Variants in PPP1R9A observed in about 807,000 individuals in gnomAD.
The protein encoded by PPP1R9A is neurabin-1.
A neutral mutation model predicts 141.9 loss-of-function variants in PPP1R9A; 59 were observed. That is an observed-to-expected ratio of 0.42 (90% CI 0.34 to 0.52). The LOEUF is 0.52. PPP1R9A is among the 20% of genes least tolerant of loss of function. The pLI is 0.10. For missense variants in PPP1R9A, 1,444 were observed against 1,611.9 expected, an observed-to-expected ratio of 0.90 and a Z score of 1.78; for synonymous variants, 500 against 569.7, an observed-to-expected ratio of 0.88 and a Z score of 1.74.
In PPP1R9A at chr7:95,295,729, C is replaced by A. The variant is rs1278622432; in HGVS notation, c.*5426C>A. 1.3e-5 allele frequency: 2 copies of A among 152,104 alleles called. No homozygotes were observed. Among genetic ancestry groups the A allele is most frequent in the African/African-American group, 4.8e-5 (2 of 41,410 alleles). The allele number at this position is 152,104 out of a possible 1,614,324, so 9.4% of individuals were successfully genotyped here. On this transcript the variant is annotated 3_prime_UTR_variant, in exon 20 of 20. Transcript: ENST00000433360. ...TCTGTTAAGGATGTAATCATTCATT[C>A]AAGAAAGAACAATTGGCAAGAAATA...
In PPP1R9A at chr7:95,110,709, T is replaced by C. The variant is rs147817407; in HGVS notation, c.1396-550T>C. On this transcript the variant is annotated intron_variant, in intron 2 of 19. Coordinates refer to ENST00000433360, the MANE Select transcript of PPP1R9A (RefSeq NM_001166160.2). ...ATTTTCATAATAATTTCATAAAAGTTTCAATGAGAATTCAATTTAAATGTA... is the reference window on the plus strand; with the variant it reads ...ATTTTCATAATAATTTCATAAAAGTCTCAATGAGAATTCAATTTAAATGTA... 3.5e-4 allele frequency among the ~76,000 whole-genome samples: 54 copies of C among 152,294 alleles called. No individual in the cohort carries two copies. In the East Asian group the frequency reaches 7.9e-3, roughly 22 times the overall value.
chr7:95,122,177 C>A (rs1822746496), intron 4 of PPP1R9A, among the ~76,000 whole-genome samples: 1 of 141,528 alleles, frequency 7.1e-6, no homozygotes, highest in African/African-American at 2.8e-5. Context: ...GATGGCATCT[C>A]ATTGTGTTGC....
At chr7:95,173,954 C>A (rs1832535985) in intron 5 of PPP1R9A, among the ~76,000 whole-genome samples, 1 of 152,020 alleles carries the variant, frequency 6.6e-6, no homozygotes, top group South Asian at 2.1e-4. Context: ...GCAGAACAGT[C>A]TGGTAGGGTT....
At chr7:95,264,732 C>G (rs906738229) in intron 12 of PPP1R9A, among the ~76,000 whole-genome samples, 4 of 152,092 alleles carry the variant, frequency 2.6e-5, no homozygotes, top group Admixed American at 2.0e-4. Flanking sequence ...TTCTCCTGTT[C>G]TGTATTTCTA....
chr7:94,941,904 C>T (rs1320048876), intron 2 of PPP1R9A, among the ~76,000 whole-genome samples: 1 of 152,012 alleles, frequency 6.6e-6, no homozygotes, highest in Non-Finnish European at 1.5e-5. Flanking sequence ...TATGTTTTTG[C>T]ATCTTTGTGA....
chr7:95,270,478 G>T (rs1309126352), intron 14 of PPP1R9A, among the ~76,000 whole-genome samples: 1 of 152,056 alleles, frequency 6.6e-6, no homozygotes, highest in Non-Finnish European at 1.5e-5. Flanking sequence ...ATATCTGAGG[G>T]ACATCAGTGG....
At chr7:95,075,345 T>G (rs1814675591) in intron 2 of PPP1R9A, among the ~76,000 whole-genome samples, 1 of 152,112 alleles carries the variant, frequency 6.6e-6, no homozygotes, top group Non-Finnish European at 1.5e-5. Flanking sequence ...ACTAAAAATG[T>G]AGGGGAGGAA....
At chr7:95,189,433 C>CTTTTTTT (rs1195484637) in intron 5 of PPP1R9A, among the ~76,000 whole-genome samples, 8 of 116,232 alleles carry the variant, frequency 6.9e-5, no homozygotes, top group Non-Finnish European at 8.7e-5. Flanking sequence ...TTTGTTTATT[C>CTTTTTTT]TTTTTTTTTT....
At chr7:95,157,554 A>G (rs1180128717) in intron 4 of PPP1R9A, among the ~76,000 whole-genome samples, 1 of 152,170 alleles carries the variant, frequency 6.6e-6, no homozygotes, top group Non-Finnish European at 1.5e-5. Context: ...AGCTCCATGG[A>G]GCATGTATCC....
Position 95,198,122 on chromosome 7 carries a change from C to T in PPP1R9A, c.1755-227C>T, listed in dbSNP as rs761994610. On this transcript the variant is annotated intron_variant, in intron 5 of 19. Coordinates refer to ENST00000433360, the MANE Select transcript of PPP1R9A (RefSeq NM_001166160.2). ...TCTTAAAATGATAATTTTTATGGTC[C>T]TTTACTTTTTTCCCCCTTCTTTTCC... 8.5e-5 allele frequency among the ~76,000 whole-genome samples: 13 copies of T among 152,110 alleles called. No homozygotes were observed. In the South Asian group the frequency reaches 2.3e-3, roughly 27 times the overall value.
At chr7:95,032,452 G>C (rs1234916079) in intron 2 of PPP1R9A, among the ~76,000 whole-genome samples, 1 of 152,096 alleles carries the variant, frequency 6.6e-6, no homozygotes, top group African/African-American at 2.4e-5. Context: ...GGTAGGAATA[G>C]TAAAACTAAT....
chr7:95,215,333 G>A (rs1453009587), intron 7 of PPP1R9A, among the ~76,000 whole-genome samples: 1 of 151,982 alleles, frequency 6.6e-6, no homozygotes, highest in African/African-American at 2.4e-5. Flanking sequence ...AGTATTCCAT[G>A]GTGTATATGT....
At chr7:95,192,806 G>A (rs1274785590) in intron 5 of PPP1R9A, among the ~76,000 whole-genome samples, 1 of 151,762 alleles carries the variant, frequency 6.6e-6, no homozygotes, top group Non-Finnish European at 1.5e-5. Context: ...ATTCATAACT[G>A]AAATAATAAC....
intron 2 of PPP1R9A, among the ~76,000 whole-genome samples, chr7:94,997,985 T>G (rs937827057): frequency 6.6e-6 from 1 of 152,204 alleles, no homozygotes; most frequent in Non-Finnish European, 1.5e-5. Context: ...AAAAAAAATT[T>G]TTTTTCCTCA....
chr7:94,982,735 A>C (rs557998381), intron 2 of PPP1R9A, among the ~76,000 whole-genome samples: 139 of 152,332 alleles, frequency 9.1e-4, no homozygotes, highest in African/African-American at 3.2e-3. Flanking sequence ...GCCCTTTGTC[A>C]GATGAGTAGA....
At position 95,248,329 on chromosome 7, in the gene PPP1R9A, A is replaced by G. The variant is rs373960860; in HGVS notation, c.2166+803A>G. Reference sequence around the variant, plus strand: ...TGATCTCTTTTGTTGTTCACATTGAACACTTGTTTTGGTTTCTCCGTGTGT... The same window carrying G: ...TGATCTCTTTTGTTGTTCACATTGAGCACTTGTTTTGGTTTCTCCGTGTGT... On this transcript the variant is annotated intron_variant, in intron 9 of 19. Coordinates refer to ENST00000433360, the MANE Select transcript of PPP1R9A (RefSeq NM_001166160.2). 8.7e-5 allele frequency among the ~76,000 whole-genome samples: 13 copies of G among 149,940 alleles called. No individual in the cohort carries two copies. The East Asian group carries it at 1.4e-3, about 16-fold the overall frequency.
At chr7:95,135,952 A>G (rs1284548579) in intron 4 of PPP1R9A, among the ~76,000 whole-genome samples, 1 of 147,054 alleles carries the variant, frequency 6.8e-6, no homozygotes, top group Non-Finnish European at 1.5e-5. Context: ...AATACAAAGT[A>G]TATTATAAAT....
chr7:95,280,776 C>T (rs1279033447), intron 16 of PPP1R9A, among the ~76,000 whole-genome samples: 1 of 151,714 alleles, frequency 6.6e-6, no homozygotes, highest in African/African-American at 2.4e-5. Flanking sequence ...CTACCAATCT[C>T]GATTTTGGGG....
chr7:94,926,272 T>C (rs1363687300), intron 2 of PPP1R9A, among the ~76,000 whole-genome samples: 1 of 152,232 alleles, frequency 6.6e-6, no homozygotes, highest in Non-Finnish European at 1.5e-5. Flanking sequence ...TTGTGCTCTC[T>C]TTCGTTTGGG....
Sources: allele counts gnomAD v4.1 joint callset (sites outside exome capture counted in the v4.1 genomes callset), GRCh38; gene constraint gnomAD v4.1.1; transcripts MANE v1.5; gene names NCBI Gene and HGNC (gene_info 2026-07-23, HGNC 2026-07-21).